IL1R1: variants seen among roughly 807,000 people sequenced by gnomAD.
IL1R1 encodes interleukin 1 receptor type 1.
In IL1R1, 22 loss-of-function variants were observed where a neutral mutation model predicts 50.2. The observed-to-expected ratio is 0.44, with a 90% CI of 0.31 to 0.63. The LOEUF is 0.63. Ranked by LOEUF, IL1R1 falls within the 20% of genes least tolerant of loss-of-function variation. The pLI, the probability that IL1R1 is intolerant of heterozygous loss-of-function variation, is 0.07. For synonymous variants in IL1R1, 251 were observed against 236.7 expected (o/e 1.06, Z -0.55); for missense variants, 509 against 676.2 (o/e 0.75, Z 2.74).
At chr2:102,080,326 T>C (rs1177335375) in intron 1 of IL1R1, among the ~76,000 whole-genome samples, 1 of 152,194 alleles carries the variant, frequency 6.6e-6, no homozygotes, top group African/African-American at 2.4e-5. Context: ...TATTGGCAAA[T>C]TATCTGATAA....
At chr2:102,073,046 A>G (rs1351357592) in intron 1 of IL1R1, among the ~76,000 whole-genome samples, 1 of 152,112 alleles carries the variant, frequency 6.6e-6, no homozygotes, top group Non-Finnish European at 1.5e-5. Flanking sequence ...CATTTTTCTT[A>G]AATGTTTTCA....
At chr2:102,110,771 C>G (rs990022950) in intron 1 of IL1R1, among the ~76,000 whole-genome samples, 1 of 151,894 alleles carries the variant, frequency 6.6e-6, no homozygotes, top group Non-Finnish European at 1.5e-5. Flanking sequence ...TGCTGTGTGT[C>G]CAGTCATGGG....
intron 1 of IL1R1, among the ~76,000 whole-genome samples, chr2:102,136,742 T>G (rs895872015): frequency 2.6e-5 from 4 of 152,186 alleles, no homozygotes; most frequent in African/African-American, 9.6e-5. Context: ...TTGTTTGTTC[T>G]GAAGAAATAC....
chr2:102,127,281 C>A (rs1215505239), intron 1 of IL1R1, among the ~76,000 whole-genome samples: 1 of 151,914 alleles, frequency 6.6e-6, no homozygotes, highest in Admixed American at 6.6e-5. Context: ...TGAGAGGAGG[C>A]AAAGATGGCA....
At chr2:102,077,506 T>C (rs1409871473) in intron 1 of IL1R1, among the ~76,000 whole-genome samples, 4 of 152,246 alleles carry the variant, frequency 2.6e-5, no homozygotes, top group Non-Finnish European at 4.4e-5. Context: ...GTGTCTCTGT[T>C]CAACATGCTT....
At chr2:102,165,549 T>C (rs952061041) in intron 5 of IL1R1, among the ~76,000 whole-genome samples, 5 of 152,204 alleles carry the variant, frequency 3.3e-5, no homozygotes, top group African/African-American at 7.2e-5. Context: ...GTACTAGAAA[T>C]AGATGTTTAA....
At chr2:102,134,016 A>T (rs1339786866) in intron 1 of IL1R1, among the ~76,000 whole-genome samples, 2 of 152,264 alleles carry the variant, frequency 1.3e-5, no homozygotes, top group African/African-American at 4.8e-5. Flanking sequence ...ATCTATTAAA[A>T]ATCTACTAGA....
At chr2:102,167,296 G>A (rs374484460) in intron 6 of IL1R1, among the ~76,000 whole-genome samples, 7 of 152,014 alleles carry the variant, frequency 4.6e-5, no homozygotes, top group African/African-American at 1.7e-4. Context: ...ATTTTCAATG[G>A]TCTTTGTATC....
At chr2:102,128,053 G>T (rs555622629) in intron 1 of IL1R1, among the ~76,000 whole-genome samples, 3 of 152,276 alleles carry the variant, frequency 2.0e-5, no homozygotes, top group Middle Eastern at 3.4e-3. Context: ...ATCACACAGA[G>T]ATCAAGTTAT....
intron 1 of IL1R1, among the ~76,000 whole-genome samples, chr2:102,113,944 G>T (rs1680920909): frequency 6.6e-6 from 1 of 152,218 alleles, no homozygotes; most frequent in African/African-American, 2.4e-5. Context: ...ACATGGGTCT[G>T]TTGGATTCTC....
At chr2:102,101,205 A>G (rs1404354829), upstream of IL1R1, among the ~76,000 whole-genome samples, 2 of 152,140 alleles carry the variant, frequency 1.3e-5, no homozygotes, top group East Asian at 3.8e-4. Context: ...CTCTTGGCTT[A>G]TGGGCCACAC....
intron 1 of IL1R1, among the ~76,000 whole-genome samples, chr2:102,097,090 G>A (rs73943974): frequency 0.05 from 7,682 of 152,206 alleles, 424 homozygotes; most frequent in African/African-American, 0.13. Context: ...AAAAGTTTAC[G>A]TCTCACAGTT....
chr2:102,166,105 TTATC>T lies in IL1R1; in HGVS notation c.487-5_487-2del. On this transcript the variant is annotated splice_region_variant and splice_polypyrimidine_tract_variant and intron_variant, in intron 5 of 11. Coordinates refer to ENST00000410023, the MANE Select transcript of IL1R1 (RefSeq NM_000877.4). ...TGGTTTTCAATGCTTCTCTCTCCCT[TTATC>T]TAGGATTGCAAACCTCTACTTCTTG... 6.2e-7 allele frequency: 1 copy of T among 1,609,066 alleles called. No homozygotes were observed. The highest frequency in any genetic ancestry group is 8.5e-7 in the Non-Finnish European group (1 of 1,176,532).
intron 1 of IL1R1, among the ~76,000 whole-genome samples, chr2:102,122,057 A>G (rs187088262): frequency 2.6e-5 from 4 of 152,274 alleles, no homozygotes; most frequent in Non-Finnish European, 5.9e-5. Flanking sequence ...AGTACCTAAG[A>G]TCACCCTTTG....
upstream of IL1R1, among the ~76,000 whole-genome samples, chr2:102,140,507 G>A (rs1479809615): frequency 6.6e-6 from 1 of 152,172 alleles, no homozygotes; most frequent in African/African-American, 2.4e-5. Context: ...TGCTATTTCT[G>A]TTTCTTGTAA....
chr2:102,105,578 A>T (rs1211549986), intron 1 of IL1R1, among the ~76,000 whole-genome samples: 2 of 152,068 alleles, frequency 1.3e-5, no homozygotes, highest in Admixed American at 1.3e-4. Context: ...GTTAGCCAGG[A>T]TGGTCTCGAT....
At chr2:102,074,351 G>A (rs1205451872) in intron 1 of IL1R1, among the ~76,000 whole-genome samples, 1 of 151,200 alleles carries the variant, frequency 6.6e-6, no homozygotes, top group Non-Finnish European at 1.5e-5. Flanking sequence ...GTGCTTTGGT[G>A]AGACAGTGGG....
intron 1 of IL1R1, among the ~76,000 whole-genome samples, chr2:102,072,173 C>T (rs148293541): frequency 9.9e-5 from 15 of 151,354 alleles, no homozygotes; most frequent in African/African-American, 3.2e-4. Context: ...AGCAGGAGAA[C>T]TGCTTGAACC....
At chr2:102,133,798 A>T (rs1002403852) in intron 1 of IL1R1, among the ~76,000 whole-genome samples, 1 of 152,206 alleles carries the variant, frequency 6.6e-6, no homozygotes, top group Non-Finnish European at 1.5e-5. Context: ...TCTATAGCTA[A>T]CATCATACTT....
Sources: gnomAD v4.1 joint callset for allele counts (sites outside exome capture counted in the v4.1 genomes callset) on GRCh38, gnomAD v4.1.1 for gene constraint, MANE v1.5 for transcripts, NCBI Gene and HGNC (gene_info 2026-07-23, HGNC 2026-07-21) for gene names.